The following TMEM117 variants were observed in gnomAD, a reference collection of about 807,000 sequenced individuals.
TMEM117 encodes transmembrane protein 117.
In TMEM117, 27 loss-of-function variants were observed where a neutral mutation model predicts 52.4. The observed-to-expected ratio is 0.51, with a 90% CI of 0.38 to 0.71. The LOEUF (loss-of-function observed/expected upper bound fraction) is 0.71, where lower values mean the gene tolerates loss of function less well. Among genes scored for constraint, TMEM117 ranks in the 30% least tolerant of loss-of-function variants. The pLI is 0.00. For synonymous variants in TMEM117, 215 were observed against 206.3 expected, an observed-to-expected ratio of 1.04 and a Z score of -0.36; for missense variants, 556 against 630.5, an observed-to-expected ratio of 0.88 and a Z score of 1.26.
chr12:43,972,396 T>C (rs1330850130), intron 3 of TMEM117, among the ~76,000 whole-genome samples: 2 of 152,180 alleles, frequency 1.3e-5, no homozygotes, highest in African/African-American at 4.8e-5. Flanking sequence ...GTTACAGCTC[T>C]TAAAGGTGGC....
chr12:44,390,821 T>C (rs888989290), downstream of TMEM117, among the ~76,000 whole-genome samples: 4 of 152,068 alleles, frequency 2.6e-5, no homozygotes, highest in Non-Finnish European at 4.4e-5. Context: ...CTGCCTCTTT[T>C]GGGTATTGCA....
intron 3 of TMEM117, among the ~76,000 whole-genome samples, chr12:44,029,501 A>G (rs1946598230): frequency 2.0e-5 from 3 of 152,110 alleles, no homozygotes; most frequent in South Asian, 4.1e-4. Context: ...AGAGTCCTTC[A>G]CTACTGACAA....
chr12:43,978,489 T>C (rs1021278484), intron 3 of TMEM117, among the ~76,000 whole-genome samples: 2 of 151,780 alleles, frequency 1.3e-5, no homozygotes, highest in African/African-American at 4.8e-5. Context: ...GAGGGAATTA[T>C]GTGGTCTCCA....
chr12:44,154,410 CAAGT>C (rs1255075965), intron 4 of TMEM117, among the ~76,000 whole-genome samples: 1 of 151,914 alleles, frequency 6.6e-6, no homozygotes, highest in Non-Finnish European at 1.5e-5. Context: ...GCCTATGAGT[CAAGT>C]GAGTGAGAGT....
intron 2 of TMEM117, among the ~76,000 whole-genome samples, chr12:43,888,541 T>A (rs1468873109): frequency 1.9e-5 from 2 of 102,786 alleles, no homozygotes; most frequent in Non-Finnish European, 3.9e-5. Context: ...CACATTAGTT[T>A]TCTTTTTTTT....
At chr12:44,003,583 G>A (rs1024851673) in intron 3 of TMEM117, among the ~76,000 whole-genome samples, 1 of 152,150 alleles carries the variant, frequency 6.6e-6, no homozygotes, top group Non-Finnish European at 1.5e-5. Flanking sequence ...CTCTGCCTGT[G>A]GGATCTGGAG....
At chr12:43,831,574 C>CCTTTTTTT, upstream of TMEM117, among the ~76,000 whole-genome samples, 1 of 148,194 alleles carries the variant, frequency 6.7e-6, no homozygotes, top group African/African-American at 2.5e-5. Context: ...GACCAAGTCT[C>CCTTTTTTT]ACTCTGTCAC....
Position 44,044,230 on chromosome 12 carries a change from G to A in TMEM117, c.411-99295G>A, listed in dbSNP as rs1268635411. On this transcript the variant is annotated intron_variant, in intron 3 of 7. Transcript: ENST00000266534. ...CTTCTTGAGGTGTCAGTGGCAGATAGGGATGCTGTTTGGAGCCTTTGGCAG... is the reference window on the plus strand; with the variant it reads ...CTTCTTGAGGTGTCAGTGGCAGATAAGGATGCTGTTTGGAGCCTTTGGCAG... 2.0e-5 allele frequency among the ~76,000 whole-genome samples: 3 copies of A among 152,230 alleles called. No individual in the cohort carries two copies. The East Asian group carries it at 5.8e-4, about 29-fold the overall frequency.
At chr12:44,004,927 C>T (rs1213034654) in intron 3 of TMEM117, among the ~76,000 whole-genome samples, 1 of 151,978 alleles carries the variant, frequency 6.6e-6, no homozygotes, top group Non-Finnish European at 1.5e-5. Context: ...TATTAGTGGG[C>T]CTAAATACCA....
chr12:43,859,860 G>T (rs950642202), intron 2 of TMEM117, among the ~76,000 whole-genome samples: 6 of 152,092 alleles, frequency 3.9e-5, no homozygotes, highest in Non-Finnish European at 7.4e-5. Flanking sequence ...TCTAAAATTG[G>T]CAACTTAAAT....
chr12:44,135,377 G>T (rs892920308), intron 3 of TMEM117, among the ~76,000 whole-genome samples: 6 of 152,170 alleles, frequency 3.9e-5, no homozygotes, highest in Non-Finnish European at 8.8e-5. Flanking sequence ...GGTCTAGCAT[G>T]CAGTGAGACA....
chr12:43,889,675 G>A (rs181246769), intron 2 of TMEM117, among the ~76,000 whole-genome samples: 120 of 152,242 alleles, frequency 7.9e-4, no homozygotes, highest in African/African-American at 2.7e-3. Context: ...TTCTAATGTC[G>A]CATTTACTTA....
intron 5 of TMEM117, among the ~76,000 whole-genome samples, chr12:44,231,975 C>G (rs1440641818): frequency 6.6e-6 from 1 of 151,570 alleles, no homozygotes; most frequent in Non-Finnish European, 1.5e-5. Flanking sequence ...TTTGGTAAGT[C>G]ATTAAACTTC....
intron 3 of TMEM117, among the ~76,000 whole-genome samples, chr12:43,956,032 G>A (rs1024604788): frequency 1.3e-5 from 2 of 152,100 alleles, no homozygotes; most frequent in Non-Finnish European, 1.5e-5. Context: ...ACAAAAACAA[G>A]CAATGGGGAA....
chr12:44,347,900 G>A (rs571534887), intron 6 of TMEM117, among the ~76,000 whole-genome samples: 131 of 151,990 alleles, frequency 8.6e-4, no homozygotes, highest in African/African-American at 2.6e-3. Flanking sequence ...CCTTGCTGTC[G>A]AGCAATTGAA....
chr12:44,172,285 T>G (rs1949057266), intron 4 of TMEM117, among the ~76,000 whole-genome samples: 1 of 152,232 alleles, frequency 6.6e-6, no homozygotes, highest in Non-Finnish European at 1.5e-5. Context: ...GCTAGCAGTC[T>G]GAAACCAAGG....
Position 44,340,252 on chromosome 12 carries a change from G to A in TMEM117, c.769-36343G>A, listed in dbSNP as rs142699914. On this transcript the variant is annotated intron_variant, in intron 6 of 7. Transcript: ENST00000266534. ...GATGACGTAAATGAAGTAAATGCATGAAGGTAAAAAGTGAGTAAAGACTAT... is the reference window on the plus strand; with the variant it reads ...GATGACGTAAATGAAGTAAATGCATAAAGGTAAAAAGTGAGTAAAGACTAT... Among the ~76,000 whole-genome samples the A allele has an allele frequency of 4.3e-3, 658 of 152,200 alleles. 1 individual carries two copies. Among genetic ancestry groups the A allele is most frequent in the African/African-American group, 0.015 (605 of 41,566 alleles).
At chr12:43,819,148 C>T in the TMEM117 span, among the ~76,000 whole-genome samples, 1 of 152,106 alleles carries the variant, frequency 6.6e-6, no homozygotes, top group African/African-American at 2.4e-5. Flanking sequence ...ATTTGTTGAA[C>T]CAGTTGTTTG....
downstream of TMEM117, among the ~76,000 whole-genome samples, chr12:44,394,754 A>G (rs77169367): frequency 0.048 from 7,267 of 152,244 alleles, 369 homozygotes; most frequent in African/African-American, 0.12. Flanking sequence ...GCATTTAAAG[A>G]AAGCTGACAC....
Sources: gnomAD v4.1 joint callset for allele counts (sites outside exome capture counted in the v4.1 genomes callset) on GRCh38, gnomAD v4.1.1 for gene constraint, MANE v1.5 for transcripts, NCBI Gene and HGNC (gene_info 2026-07-23, HGNC 2026-07-21) for gene names.